ABL2: variants seen among roughly 807,000 people sequenced by gnomAD.
ABL2 encodes the protein tyrosine-protein kinase ABL2.
A neutral mutation model predicts 107.7 loss-of-function variants in ABL2; 49 were observed. The observed-to-expected ratio is 0.45, with a 90% confidence interval of 0.36 to 0.58. The LOEUF is 0.58. Among genes scored for constraint, ABL2 ranks in the 20% least tolerant of loss-of-function variants. The pLI, the probability that ABL2 is intolerant of heterozygous loss-of-function variation, is 0.00. For missense variants in ABL2, 1,245 were observed against 1,457.0 expected, an observed-to-expected ratio of 0.85 and a Z score of 2.37; for synonymous variants, 549 against 548.6, an observed-to-expected ratio of 1.00 and a Z score of -0.01.
chr1:179,139,962 A>G (rs985729455), intron 1 of ABL2, among the ~76,000 whole-genome samples: 2 of 152,212 alleles, frequency 1.3e-5, no homozygotes, highest in Non-Finnish European at 2.9e-5. Context: ...CCCTGGTGCC[A>G]AAAAGGTTGG....
Position 179,168,329 on chromosome 1 carries a change from A to G in ABL2, c.158-34955T>C, listed in dbSNP as rs564007776. Among the ~76,000 whole-genome samples, 15 of 152,312 alleles carry G rather than the reference A, an allele frequency of 9.8e-5. No homozygotes were observed. The East Asian group carries it at 2.9e-3, about 29-fold the overall frequency. ...ACTTTTAGTCATCTCTAGATTACTG[A>G]TAATATCTAATACAATGTAAATTCT... On this transcript the variant is annotated intron_variant, in intron 1 of 11. Transcript: ENST00000502732.
chr1:179,215,485 G>A (rs2636282), intron 1 of ABL2, among the ~76,000 whole-genome samples: 52,386 of 152,030 alleles, frequency 0.34, 9,439 homozygotes, highest in East Asian at 0.48. Flanking sequence ...TGTAATCCCA[G>A]CACTTTGGGA....
Position 179,105,333 on chromosome 1 carries a change from A to T in ABL2, c.*2385T>A. 2 of 231,568 alleles carry T rather than the reference A, an allele frequency of 8.6e-6. No individual in the cohort carries two copies. The highest frequency in any genetic ancestry group is 1.7e-5 in the Non-Finnish European group (2 of 117,028). 14.3% of individuals were successfully genotyped at this position (231,568 alleles called of 1,614,324 possible). A position where few individuals can be genotyped will look rare whatever the true frequency, so the allele number is the denominator to read the frequency against. On this transcript the variant is annotated 3_prime_UTR_variant, in exon 12 of 12. Coordinates refer to ENST00000502732, the MANE Select transcript of ABL2 (RefSeq NM_007314.4). ...TGCTTAAAAAACAAAAAACAAAAAA[A>T]CCCTGAAAAACAATTACAATCCCTT...
At chr1:179,225,993 G>A (rs1191830639) in intron 1 of ABL2, among the ~76,000 whole-genome samples, 62 of 132,192 alleles carry the variant, frequency 4.7e-4, no homozygotes, top group Non-Finnish European at 8.0e-4. Flanking sequence ...GCAGTGAGCC[G>A]AGATCGCGCC....
intron 1 of ABL2, among the ~76,000 whole-genome samples, chr1:179,154,722 A>G (rs984362977): frequency 6.6e-6 from 1 of 152,218 alleles, no homozygotes; most frequent in Non-Finnish European, 1.5e-5. Flanking sequence ...TGTTCTGGCC[A>G]AAAGAACCTC....
chr1:179,174,822 G>A (rs1659939542), intron 1 of ABL2, among the ~76,000 whole-genome samples: 1 of 149,072 alleles, frequency 6.7e-6, no homozygotes, highest in African/African-American at 2.5e-5. Flanking sequence ...TTGAACCTGG[G>A]AGGTGGAGGT....
intron 1 of ABL2, among the ~76,000 whole-genome samples, chr1:179,214,970 G>A (rs1220426234): frequency 6.6e-6 from 1 of 152,096 alleles, no homozygotes; most frequent in Non-Finnish European, 1.5e-5. Flanking sequence ...GACCAGACTG[G>A]CTAACATGGT....
intron 1 of ABL2, among the ~76,000 whole-genome samples, chr1:179,194,185 A>G (rs1557989350): frequency 6.6e-6 from 1 of 152,236 alleles, no homozygotes; most frequent in Non-Finnish European, 1.5e-5. Context: ...TGAAGGTCCT[A>G]CAAGGTAGAA....
intron 1 of ABL2, among the ~76,000 whole-genome samples, chr1:179,153,282 T>C (rs532438618): frequency 1.3e-5 from 2 of 152,308 alleles, no homozygotes; most frequent in East Asian, 1.9e-4. Flanking sequence ...CTTTCAGTTA[T>C]AAACTCTAGG....
At chr1:179,143,735 CG>C (rs1657786612) in intron 1 of ABL2, among the ~76,000 whole-genome samples, 1 of 152,200 alleles carries the variant, frequency 6.6e-6, no homozygotes, top group South Asian at 2.1e-4. Context: ...CTCGCTCTGT[CG>C]CCCAGGCTGG....
At chr1:179,175,598 G>A (rs749586272) in intron 1 of ABL2, among the ~76,000 whole-genome samples, 2 of 152,172 alleles carry the variant, frequency 1.3e-5, no homozygotes, top group African/African-American at 2.4e-5. Flanking sequence ...GGATAGTGGG[G>A]GAACCACTGT....
At chr1:179,109,473 A>T in intron 11 of ABL2, 32 bp from the exon 12 acceptor site, 4 of 1,574,488 alleles carry the variant, frequency 2.5e-6, no homozygotes, top group Non-Finnish European at 3.4e-6. Context: ...GTAACTTAAA[A>T]GACAAGAAGT....
chr1:179,193,726 ATTTTGT>A (rs1661145702), intron 1 of ABL2, among the ~76,000 whole-genome samples: 1 of 142,426 alleles, frequency 7.0e-6, no homozygotes, highest in Non-Finnish European at 1.5e-5. Flanking sequence ...TTGCTGTTGT[ATTTTGT>A]TTTTTTGGTT....
rs35073460 is a variant in ABL2, at chr1:179,211,791, GA to G, written c.157+17449del. Among the ~76,000 whole-genome samples the G allele has an allele frequency of 1.8e-3, 251 of 136,030 alleles. 1 individual carries two copies. Among genetic ancestry groups the G allele is most frequent in the African/African-American group, 5.8e-3 (210 of 36,384 alleles). The allele number at this position is 136,030 out of a possible 152,430, so 89.2% of individuals were successfully genotyped here. ...GGGTGACAGAGCAAGAATCCTTCTCGAAAAAAAAAAAAAAATTTAAATAACT... is the reference window on the plus strand; with the variant it reads ...GGGTGACAGAGCAAGAATCCTTCTCGAAAAAAAAAAAAAATTTAAATAACT... On this transcript the variant is annotated intron_variant, in intron 1 of 11. Transcript: ENST00000502732.
Position 179,108,776 on chromosome 1 carries a change from C to G in ABL2, c.2491G>C (p.Asp831His), listed in dbSNP as rs553798605. The change falls in exon 12 of 12, where the codon GAC becomes CAC. Residue 831 changes from aspartate to histidine, a missense_variant. By Grantham distance (81) the Asp-to-His change is moderately conservative. Around this residue, in one of 3 missense-constraint regions of ABL2, gnomAD observed 761 missense variants for 766.4 expected, o/e 0.99. Coordinates refer to ENST00000502732, the MANE Select transcript of ABL2 (RefSeq NM_007314.4). ...QPEENVDRAN[D>H]MLPKKSEESA... Reference sequence around the variant, plus strand: ...TCCTCTGATTTTTTTGGAAGCATGTCATTGGCCCTGTCCACATTCTCTTCT... The same window carrying G: ...TCCTCTGATTTTTTTGGAAGCATGTGATTGGCCCTGTCCACATTCTCTTCT... 2 of 1,614,202 alleles carry G rather than the reference C, an allele frequency of 1.2e-6. No homozygotes were observed. The highest frequency in any genetic ancestry group is 4.5e-5 in the East Asian group (2 of 44,890).
chr1:179,159,665 T>C (rs1015767382), intron 1 of ABL2, among the ~76,000 whole-genome samples: 6 of 152,204 alleles, frequency 3.9e-5, no homozygotes, highest in African/African-American at 9.7e-5. Context: ...TTGACCAATA[T>C]AGACTAATAC....
chr1:179,166,851 G>A (rs182598878), intron 1 of ABL2, among the ~76,000 whole-genome samples: 1 of 151,124 alleles, frequency 6.6e-6, no homozygotes, highest in Admixed American at 6.6e-5. Flanking sequence ...ACCACAATGA[G>A]ATATTATGTT....
At chr1:179,133,647 T>C (rs1254034725) in intron 1 of ABL2, among the ~76,000 whole-genome samples, 1 of 152,166 alleles carries the variant, frequency 6.6e-6, no homozygotes, top group African/African-American at 2.4e-5. Context: ...GATTTCTACT[T>C]GTAATACTCA....
At position 179,110,979 on chromosome 1, in the gene ABL2, GC is replaced by G. The variant is rs1654007423; in HGVS notation, c.1652-525del. On this transcript the variant is annotated intron_variant, in intron 10 of 11. Coordinates refer to ENST00000502732, the MANE Select transcript of ABL2 (RefSeq NM_007314.4). ...CTAAAATTTGATGTTATTATTTTTGGCTTTTTTTTTTTTTTTTTTTTGCAGA... is the reference window on the plus strand; with the variant it reads ...CTAAAATTTGATGTTATTATTTTTGGTTTTTTTTTTTTTTTTTTTTGCAGA... 3.0e-5 allele frequency: 32 copies of G among 1,067,574 alleles called. No homozygotes were observed. In the East Asian group the frequency reaches 4.0e-4, roughly 14 times the overall value. 66.1% of individuals were successfully genotyped at this position (1,067,574 alleles called of 1,614,324 possible).
Sources: gnomAD v4.1 joint callset for allele counts (sites outside exome capture counted in the v4.1 genomes callset) on GRCh38, gnomAD v4.1.1 for gene constraint, gnomAD v4.1.1 regional missense constraint, MANE v1.5 for transcripts, NCBI Gene and HGNC (gene_info 2026-07-23, HGNC 2026-07-21) for gene names.